The following SNAPC4 variants were observed in gnomAD, a reference collection of about 807,000 sequenced individuals.
SNAPC4 encodes the protein small nuclear RNA activating complex polypeptide 4, also known as snRNA-activating protein complex subunit 4.
In SNAPC4, 127 loss-of-function variants were observed where a neutral mutation model predicts 151.3. That is an observed-to-expected ratio of 0.84 (90% CI 0.73 to 0.97). The LOEUF is 0.97. SNAPC4 is among the 50% of genes least tolerant of loss of function. The pLI, the probability that SNAPC4 is intolerant of heterozygous loss-of-function variation, is 0.00. For missense variants in SNAPC4, 2,186 were observed against 1,935.0 expected (o/e 1.13, Z -2.43); for synonymous variants, 1,002 against 824.4 (o/e 1.22, Z -3.69).
chr9:136,389,084 G>A (rs759928638), intron 10 of SNAPC4, among the ~76,000 whole-genome samples: 18 of 152,302 alleles, frequency 1.2e-4, no homozygotes, highest in Middle Eastern at 3.4e-3. Context: ...CTCAGGAGAC[G>A]CCCTCAGAAG....
At chr9:136,390,327 C>T (rs909650498) in intron 10 of SNAPC4, among the ~76,000 whole-genome samples, 11 of 151,700 alleles carry the variant, frequency 7.3e-5, no homozygotes, top group Non-Finnish European at 1.6e-4. Flanking sequence ...AGGCTGAGGC[C>T]GGCAGATCAC....
At position 136,379,022 on chromosome 9, in the gene SNAPC4, G is replaced by A. The variant is rs1204164247; in HGVS notation, c.2805C>T (p.His935=). 1 of 1,603,156 alleles carries A rather than the reference G, an allele frequency of 6.2e-7. No individual in the cohort carries two copies. Residue 935 remains histidine (H), a synonymous_variant, in exon 22 of 24, where the codon CAC becomes CAT. Transcript: ENST00000684778. The part of the protein sequence containing the change: ...SSVILQPPLP[H]TPHGRPAPGP... ...CCGGGGCTGGGCGGCCGTGTGGGGT[G>A]TGTGGTAGAGGGGGCTGGAGGATCA...
At chr9:136,382,115 G>A (rs767953771) in intron 17 of SNAPC4, 42 bp from the exon 18 acceptor site, 29 of 1,559,978 alleles carry the variant, frequency 1.9e-5, no homozygotes, top group East Asian at 2.4e-5. Context: ...GGCCAGGCTC[G>A]GCCCCCGGAG....
At position 136,383,585 on chromosome 9, in the gene SNAPC4, A is replaced by ACTGCTG. The variant is rs1554779668; in HGVS notation, c.1578_1583dup (p.Ser527_Ser528dup). 6.2e-7 allele frequency: 1 copy of ACTGCTG among 1,609,904 alleles called. No individual in the cohort carries two copies. The highest frequency in any genetic ancestry group is 1.1e-5 in the South Asian group (1 of 90,896). ...TGCTGCTGCTCCCTCCACTGCTGCC[A>ACTGCTG]CTGCTGCTGCCGCTGCTGCTGGTAG... On this transcript the variant is annotated inframe_insertion, in exon 16 of 24. Coordinates refer to ENST00000684778, the MANE Select transcript of SNAPC4 (RefSeq NM_003086.4). This position sits in a 1 kb window ranked among gnomAD's most constrained non-coding sequence, Gnocchi z 4.2.
intron 18 of SNAPC4, 88 bp downstream of exon 18, chr9:136,381,736 C>T: frequency 6.7e-7 from 1 of 1,493,744 alleles, no homozygotes; most frequent in Non-Finnish European, 9.0e-7. Flanking sequence ...GGCCACTTCC[C>T]CAAGTAGCCA....
At chr9:136,388,341 C>G (rs550733623) in intron 11 of SNAPC4, 103 bp downstream of exon 11, 1 of 1,216,916 alleles carries the variant, frequency 8.2e-7, no homozygotes, top group Non-Finnish European at 1.2e-6. Context: ...TCTAAGCCCT[C>G]GTCTGTCTTG....
chr9:136,394,854 G>C lies in SNAPC4; in HGVS notation c.496C>G (p.Arg166Gly), dbSNP rs747793418. The change falls in exon 6 of 24, where the codon CGA becomes GGA. Residue 166 changes from arginine to glycine, a missense_variant. Physicochemically the swap from Arg to Gly is moderately radical, Grantham distance 125. Coordinates refer to ENST00000684778, the MANE Select transcript of SNAPC4 (RefSeq NM_003086.4). Reference sequence around the variant, plus strand: ...TTGATCCCCTGGGCAGCCTTCTCTCGTGTGTCCTCGTTGGCAGGTGGCCCC... The same window carrying C: ...TTGATCCCCTGGGCAGCCTTCTCTCCTGTGTCCTCGTTGGCAGGTGGCCCC... ...GVGPPANEDT[R>G]EKAAQGIKAF... 1.9e-6 allele frequency: 3 copies of C among 1,613,730 alleles called. No homozygotes were observed. Among genetic ancestry groups the C allele is most frequent in the East Asian group, 2.2e-5 (1 of 44,894 alleles).
rs746382491 is a variant in SNAPC4 at position 136,392,750 on chromosome 9, G to C, written c.660C>G (p.Ser220Arg). The C allele has an allele frequency of 1.2e-6, 2 of 1,613,562 alleles. No individual in the cohort carries two copies. Among genetic ancestry groups the C allele is most frequent in the Non-Finnish European group, 1.7e-6 (2 of 1,180,016 alleles). The change falls in exon 8 of 24, where the codon AGC becomes AGG. Residue 220 changes from serine (S) to arginine (R), a missense_variant. Ser to Arg is a moderately radical substitution (Grantham distance 110, BLOSUM62 -1). Transcript: ENST00000684778. ...GCCTCTCCAGCTCACTGGAGACTTT[G>C]CTCTGCTTCTGGTGCAAGTACTCGA... Reference protein sequence around the residue: ...LKLEYLHQKQSKVSSELERQA... With the variant: ...LKLEYLHQKQRKVSSELERQA...
chr9:136,385,776 G>C (rs1285463613), intron 13 of SNAPC4, among the ~76,000 whole-genome samples: 1 of 152,052 alleles, frequency 6.6e-6, no homozygotes, highest in Non-Finnish European at 1.5e-5. Context: ...GGCTGGTCTT[G>C]AACTCCTGAC....
intron 19 of SNAPC4, 56 bp from the exon 20 acceptor site, chr9:136,380,906 C>T (rs994106157): frequency 1.9e-6 from 2 of 1,047,802 alleles, no homozygotes; most frequent in African/African-American, 1.5e-5. Context: ...AGCTCCGAAG[C>T]TCCAGAGGCC....
intron 23 of SNAPC4, 61 bp downstream of exon 23, chr9:136,376,288 C>G: frequency 6.3e-7 from 1 of 1,587,312 alleles, no homozygotes; most frequent in Admixed American, 1.7e-5. Flanking sequence ...GGCCCCCTGC[C>G]ATCTGGACAC....
Position 136,378,911 on chromosome 9 carries a change from A to T in SNAPC4, c.2916T>A (p.Ala972=). Residue 972 remains alanine (A), a synonymous_variant, in exon 22 of 24, where the codon GCT becomes GCA. Coordinates refer to ENST00000684778, the MANE Select transcript of SNAPC4 (RefSeq NM_003086.4). The part of the protein sequence containing the change: ...KPGTSGSWQE[A]GTSAKDKRLS... ...GTCTCTTGTCCTTGGCTGAAGTCCC[A>T]GCCTCCTGCCAGGAGCCAGAAGTGC... 2.5e-6 allele frequency: 4 copies of T among 1,611,058 alleles called. No homozygotes were observed. Among genetic ancestry groups the T allele is most frequent in the Non-Finnish European group, 3.4e-6 (4 of 1,179,522 alleles).
At chr9:136,387,218 C>T (rs1401131808) in intron 13 of SNAPC4, among the ~76,000 whole-genome samples, 2 of 152,206 alleles carry the variant, frequency 1.3e-5, no homozygotes, top group Non-Finnish European at 2.9e-5. Flanking sequence ...AAAAGCCGCC[C>T]AGGGAGCTGT....
chr9:136,383,882 C>G lies in SNAPC4; in HGVS notation c.1500+71G>C. 7.0e-7 allele frequency: 1 copy of G among 1,438,822 alleles called. No individual in the cohort carries two copies. The allele number at this position is 1,438,822 out of a possible 1,614,324, so 89.1% of individuals were successfully genotyped here. On this transcript the variant is annotated intron_variant, in intron 15 of 23. Coordinates refer to ENST00000684778, the MANE Select transcript of SNAPC4 (RefSeq NM_003086.4). The surrounding 1 kb of genome is among the most constrained non-coding windows in gnomAD (Gnocchi z 4.2). ...GAACGCCCCCCTCCCCTCCCCTCCT[C>G]CTGCCTGCTGGACCCCCCAGTTGAC...
At chr9:136,393,043 G>A (rs918614433) in intron 7 of SNAPC4, among the ~76,000 whole-genome samples, 3 of 152,172 alleles carry the variant, frequency 2.0e-5, no homozygotes, top group Non-Finnish European at 4.4e-5. Flanking sequence ...ACAGCCCTCC[G>A]GAGCCTCAGT....
At chr9:136,394,456 CCTACTGACGTGGCCCCTCCA>C in intron 6 of SNAPC4, 126 bp from the exon 7 acceptor site, 1 of 806,394 alleles carries the variant, frequency 1.2e-6, no homozygotes, top group Non-Finnish European at 2.2e-6. Context: ...GCACGCCAGA[CCTACTGACGTGGCCCCTCCA>C]CCCAGCTGAC....
intron 22 of SNAPC4, 152 bp downstream of exon 22, chr9:136,377,391 G>T: frequency 2.0e-6 from 2 of 994,272 alleles, no homozygotes; most frequent in Non-Finnish European, 2.8e-6. Context: ...AACTGGGCAG[G>T]CCAGGAACCA....
intron 5 of SNAPC4, 92 bp from the exon 6 acceptor site, chr9:136,394,970 G>T: frequency 8.7e-7 from 1 of 1,145,672 alleles, no homozygotes; most frequent in Non-Finnish European, 1.3e-6. Context: ...AAGGACTCGG[G>T]CTCCCCCTGC....
Position 136,383,139 on chromosome 9 carries a change from A to G in SNAPC4, c.1983+47T>C, listed in dbSNP as rs1833758819. The G allele has an allele frequency of 6.6e-7, 1 of 1,507,746 alleles. No homozygotes were observed. Among genetic ancestry groups the G allele is most frequent in the East Asian group, 2.3e-5 (1 of 43,802 alleles). The allele number at this position is 1,507,746 out of a possible 1,614,324, so 93.4% of individuals were successfully genotyped here. A position where few individuals can be genotyped will look rare whatever the true frequency, so the allele number is the denominator to read the frequency against. On this transcript the variant is annotated intron_variant, in intron 16 of 23. Transcript: ENST00000684778. The surrounding 1 kb of genome is among the most constrained non-coding windows in gnomAD (Gnocchi z 4.2). ...CCCCAAGCGTCAGCCCTGGCGAGCG[A>G]GTGCCGAAAGTGCACTTCCCGTGGT...
Sources: allele counts gnomAD v4.1 joint callset (sites outside exome capture counted in the v4.1 genomes callset), GRCh38; gene constraint gnomAD v4.1.1; non-coding constraint Gnocchi (gnomAD v3.1); transcripts MANE v1.5; gene names NCBI Gene and HGNC (gene_info 2026-07-23, HGNC 2026-07-21).